Variants in ADAM12 observed in about 807,000 individuals in gnomAD.
ADAM12 encodes the protein disintegrin and metalloproteinase domain-containing protein 12.
Under a neutral mutation model 106.4 loss-of-function variants are expected in ADAM12, and 70 were observed. The observed-to-expected ratio is 0.66, with a 90% CI of 0.54 to 0.80. The LOEUF is 0.80. Ranked by LOEUF, ADAM12 falls within the 30% of genes least tolerant of loss-of-function variation. The pLI, the probability that ADAM12 is intolerant of heterozygous loss-of-function variation, is 0.00. For synonymous variants in ADAM12, 420 were observed against 433.5 expected (o/e 0.97, Z 0.39); for missense variants, 1,010 against 1,171.9 (o/e 0.86, Z 2.02).
chr10:126,244,081 A>C (rs911248342), intron 3 of ADAM12, among the ~76,000 whole-genome samples: 1 of 152,252 alleles, frequency 6.6e-6, no homozygotes, highest in Non-Finnish European at 1.5e-5. Context: ...ATTAGAGCAC[A>C]TGGATTTAGC....
rs562792019 is a variant in ADAM12 at position 126,039,160 on chromosome 10, C to T, written c.2240+134G>A. 1,158 of 1,034,990 alleles carry T rather than the reference C, an allele frequency of 1.1e-3. 5 individuals carry two copies. Among genetic ancestry groups the T allele is most frequent in the Non-Finnish European group, 1.3e-3 (947 of 726,720 alleles). The allele number at this position is 1,034,990 out of a possible 1,614,324, so 64.1% of individuals were successfully genotyped here. A position where few individuals can be genotyped will look rare whatever the true frequency, so the allele number is the denominator to read the frequency against. On this transcript the variant is annotated intron_variant, in intron 19 of 22. Coordinates refer to ENST00000448723, the MANE Select transcript of ADAM12 (RefSeq NM_001288973.2). ...ATTTTTAGTAGAGACGGGGTTTCAC[C>T]GTGGTCTCGATCTCCTGACCTCGTG...
intron 21 of ADAM12, among the ~76,000 whole-genome samples, chr10:126,026,071 A>G (rs1186714289): frequency 1.3e-5 from 2 of 152,208 alleles, no homozygotes; most frequent in Non-Finnish European, 2.9e-5. Flanking sequence ...ATAATGAAGA[A>G]AGACCCATTG....
At chr10:126,229,906 G>A (rs888111742) in intron 3 of ADAM12, among the ~76,000 whole-genome samples, 14 of 151,632 alleles carry the variant, frequency 9.2e-5, no homozygotes, top group Non-Finnish European at 2.1e-4. Context: ...TGACCTGGCC[G>A]CTGCCGCACT....
chr10:126,047,635 C>CA (rs1353513156), intron 16 of ADAM12, among the ~76,000 whole-genome samples: 13 of 152,150 alleles, frequency 8.5e-5, no homozygotes, highest in African/African-American at 2.7e-4. Context: ...ATTAAAAAGT[C>CA]AAAAAACAAC....
At chr10:126,206,864 G>GGGT in intron 3 of ADAM12, among the ~76,000 whole-genome samples, 1 of 146,274 alleles carries the variant, frequency 6.8e-6, no homozygotes, top group Non-Finnish European at 1.5e-5. Flanking sequence ...TGGGGGCGGG[G>GGGT]GGGAGCCAGT....
At chr10:126,076,830 T>G (rs867208798) in intron 11 of ADAM12, among the ~76,000 whole-genome samples, 1 of 152,232 alleles carries the variant, frequency 6.6e-6, no homozygotes, top group South Asian at 2.1e-4. Flanking sequence ...TCTTTGGCTG[T>G]GCAGAAGCTC....
chr10:126,178,841 G>A (rs1305383469), intron 3 of ADAM12, among the ~76,000 whole-genome samples: 1 of 152,152 alleles, frequency 6.6e-6, no homozygotes, highest in Non-Finnish European at 1.5e-5. Context: ...GAGGTCAGGA[G>A]TTCAAGACCA....
chr10:126,154,088 C>T (rs192906560), intron 4 of ADAM12, among the ~76,000 whole-genome samples: 2 of 152,156 alleles, frequency 1.3e-5, no homozygotes, highest in African/African-American at 4.8e-5. Context: ...TTGTGGGATT[C>T]TCAGTTGCAG....
rs141091162 is a variant in ADAM12, at chr10:126,203,677, G to C, written c.261-48372C>G. Among the ~76,000 whole-genome samples, 545 of 152,302 alleles carry C rather than the reference G, an allele frequency of 3.6e-3. 6 individuals are homozygous for C. The highest frequency in any genetic ancestry group is 0.012 in the African/African-American group (519 of 41,568). ...ACCCTTTGCTTATCTGACAGGATCT[G>C]ATCAAATATCTTTTGAGGTAAAATT... On this transcript the variant is annotated intron_variant, in intron 3 of 22. Transcript: ENST00000448723.
chr10:126,241,870 T>C lies in ADAM12; in HGVS notation c.260+37045A>G, dbSNP rs114623549. 6.9e-3 allele frequency among the ~76,000 whole-genome samples: 1,045 copies of C among 152,328 alleles called. 15 individuals are homozygous for C. The highest frequency in any genetic ancestry group is 0.024 in the African/African-American group (999 of 41,562). ...GGTCTTGACAGTATATTTTATAAATTAGTACATTTGTAGTTAGTCCATTTT... is the reference window on the plus strand; with the variant it reads ...GGTCTTGACAGTATATTTTATAAATCAGTACATTTGTAGTTAGTCCATTTT... On this transcript the variant is annotated intron_variant, in intron 3 of 22. Coordinates refer to ENST00000448723, the MANE Select transcript of ADAM12 (RefSeq NM_001288973.2).
intron 3 of ADAM12, among the ~76,000 whole-genome samples, chr10:126,244,454 T>C (rs1054263259): frequency 6.6e-5 from 10 of 152,110 alleles, no homozygotes; most frequent in Admixed American, 5.9e-4. Flanking sequence ...AATGTGAGAA[T>C]GGGGTTTAGG....
chr10:126,372,562 C>G (rs534581206), intron 1 of ADAM12, among the ~76,000 whole-genome samples: 1 of 152,312 alleles, frequency 6.6e-6, no homozygotes, highest in African/African-American at 2.4e-5. Flanking sequence ...CGCCAGAACA[C>G]ACAGCACTCT....
intron 1 of ADAM12, among the ~76,000 whole-genome samples, chr10:126,374,278 T>C (rs1233694414): frequency 1.3e-5 from 2 of 152,202 alleles, no homozygotes; most frequent in South Asian, 2.1e-4. Flanking sequence ...AGGACTCCCA[T>C]GGAGAGGGTA....
At chr10:126,203,952 GT>G (rs2133824538) in intron 3 of ADAM12, among the ~76,000 whole-genome samples, 1 of 152,304 alleles carries the variant, frequency 6.6e-6, no homozygotes, top group Non-Finnish European at 1.5e-5. Context: ...GTGTGTGTGT[GT>G]GTGTGTGTGA....
At chr10:126,335,978 A>AG (rs563614843) in intron 1 of ADAM12, among the ~76,000 whole-genome samples, 23 of 152,346 alleles carry the variant, frequency 1.5e-4, no homozygotes, top group African/African-American at 5.5e-4. Context: ...ATAAAAAACA[A>AG]GGACAGTCTG....
chr10:126,202,819 G>A (rs554648478), intron 3 of ADAM12, among the ~76,000 whole-genome samples: 9 of 152,258 alleles, frequency 5.9e-5, no homozygotes, highest in East Asian at 3.9e-4. Flanking sequence ...CTGCAGGTTC[G>A]CAGACGTACG....
chr10:126,181,229 G>A (rs1399171599), intron 3 of ADAM12, among the ~76,000 whole-genome samples: 2 of 152,072 alleles, frequency 1.3e-5, no homozygotes, highest in African/African-American at 2.4e-5. Context: ...ATACCACCAT[G>A]CTCAGCTAAT....
chr10:126,101,720 A>G (rs565675584), intron 8 of ADAM12, among the ~76,000 whole-genome samples: 1 of 152,334 alleles, frequency 6.6e-6, no homozygotes, highest in Non-Finnish European at 1.5e-5. Flanking sequence ...TTTTTCAGCA[A>G]AGTCTCAGCT....
chr10:126,208,373 A>G (rs1398313194), intron 3 of ADAM12, among the ~76,000 whole-genome samples: 1 of 152,178 alleles, frequency 6.6e-6, no homozygotes, highest in Admixed American at 6.5e-5. Context: ...CTCCTCTGCA[A>G]GAGTCAATAG....
Sources: gnomAD v4.1 joint callset for allele counts (sites outside exome capture counted in the v4.1 genomes callset) on GRCh38, gnomAD v4.1.1 for gene constraint, MANE v1.5 for transcripts, NCBI Gene and HGNC (gene_info 2026-07-23, HGNC 2026-07-21) for gene names.